Variants in SNIP1 observed in about 807,000 individuals in gnomAD.
SNIP1 encodes the protein smad nuclear-interacting protein 1.
Under a neutral mutation model 37.4 loss-of-function variants are expected in SNIP1, and 23 were observed. The ratio of observed to expected loss-of-function variants is 0.61; its 90% CI spans 0.44 to 0.87. The LOEUF (loss-of-function observed/expected upper bound fraction) is 0.87. Ranked by LOEUF, SNIP1 falls within the 40% of genes least tolerant of loss-of-function variation. The pLI is 0.00. For synonymous variants in SNIP1, 174 were observed against 200.0 expected, an observed-to-expected ratio of 0.87 and a Z score of 1.10; for missense variants, 459 against 540.4, an observed-to-expected ratio of 0.85 and a Z score of 1.49.
At chr1:37,541,806 C>T (rs945814867) in intron 2 of SNIP1, among the ~76,000 whole-genome samples, 3 of 152,156 alleles carry the variant, frequency 2.0e-5, no homozygotes, top group Non-Finnish European at 1.5e-5. Flanking sequence ...AAATGCAACA[C>T]ATTTCTGTTC....
At chr1:37,553,143 T>G (rs1463515474) in intron 1 of SNIP1, among the ~76,000 whole-genome samples, 6 of 152,224 alleles carry the variant, frequency 3.9e-5, no homozygotes, top group Admixed American at 6.5e-5. Flanking sequence ...CTGTGCCATC[T>G]CATTCCTACC....
intron 2 of SNIP1, among the ~76,000 whole-genome samples, chr1:37,550,020 G>A (rs1179322873): frequency 6.6e-6 from 1 of 152,018 alleles, no homozygotes; most frequent in Non-Finnish European, 1.5e-5. Context: ...TGGTGTTGAT[G>A]CAAGTGGACA....
intron 2 of SNIP1, chr1:37,541,013 A>C: frequency 2.6e-6 from 1 of 381,150 alleles, no homozygotes; most frequent in Non-Finnish European, 4.7e-6. Flanking sequence ...AAAACAAGAG[A>C]CTATTTAGTC....
At position 37,537,672 on chromosome 1, in the gene SNIP1, C is replaced by A; in HGVS notation, c.*76G>T. Reference sequence around the variant, plus strand: ...GAGAGCACCATAGTGCTGGACCCACCACCATAGTGCTCTCTGAGTCAATCA... The same window carrying A: ...GAGAGCACCATAGTGCTGGACCCACAACCATAGTGCTCTCTGAGTCAATCA... On this transcript the variant is annotated 3_prime_UTR_variant, in exon 4 of 4. Transcript: ENST00000296215. 6.6e-7 allele frequency: 1 copy of A among 1,515,618 alleles called. No individual in the cohort carries two copies. The highest frequency in any genetic ancestry group is 1.3e-5 in the South Asian group (1 of 78,388). 93.9% of individuals were successfully genotyped at this position (1,515,618 alleles called of 1,614,324 possible). A position where few individuals can be genotyped will look rare whatever the true frequency, so the allele number is the denominator to read the frequency against.
intron 2 of SNIP1, among the ~76,000 whole-genome samples, chr1:37,546,083 A>C (rs928594542): frequency 1.3e-5 from 2 of 151,292 alleles, no homozygotes; most frequent in Admixed American, 6.6e-5. Flanking sequence ...TAGATACTTG[A>C]GCATCCATGT....
At position 37,540,493 on chromosome 1, in the gene SNIP1, C is replaced by A. The variant is rs759723671; in HGVS notation, c.590G>T (p.Gly197Val). ...CAACTCCTGAGACTCACTGCCGCCA[C>A]CACCAACGTCATTCCTCTGGCGATG... is the stretch of plus-strand genomic sequence containing the variant. The part of the protein sequence containing the change: ...REHRQRNDVG[G>V]GGSESQELVP... The change falls in exon 3 of 4, where the codon GGT becomes GTT. Residue 197 changes from glycine to valine, a missense_variant. Coordinates refer to ENST00000296215, the MANE Select transcript of SNIP1 (RefSeq NM_024700.4). This position sits in a 1 kb window ranked among gnomAD's most constrained non-coding sequence, Gnocchi z 5.6. 1.1e-5 allele frequency: 18 copies of A among 1,614,026 alleles called. No homozygotes were observed. Among genetic ancestry groups the A allele is most frequent in the Non-Finnish European group, 1.5e-5 (18 of 1,180,038 alleles).
At position 37,540,545 on chromosome 1, in the gene SNIP1, C is replaced by T. The variant is rs556218762; in HGVS notation, c.538G>A (p.Glu180Lys). 3.1e-6 allele frequency: 5 copies of T among 1,614,136 alleles called. No homozygotes were observed. In the African/African-American group the frequency reaches 6.7e-5, roughly 22 times the overall value. The change falls in exon 3 of 4, where the codon GAG becomes AAG. Residue 180 changes from glutamate (E) to lysine (K), a missense_variant. By Grantham distance (56) the Glu-to-Lys change is moderately conservative. Coordinates refer to ENST00000296215, the MANE Select transcript of SNIP1 (RefSeq NM_024700.4). This position sits in a 1 kb window ranked among gnomAD's most constrained non-coding sequence, Gnocchi z 5.6. ...TCCCGTCGCCTGGCATTATAAAACT[C>T]CCGCTCTTCTTCCTGAGCCTGCAGG... ...QNLQAQEEER[E>K]FYNARRREHR... is the part of the protein sequence containing the mutation.
chr1:37,550,939 C>CA (rs1193897285), intron 2 of SNIP1, among the ~76,000 whole-genome samples: 1 of 150,596 alleles, frequency 6.6e-6, no homozygotes, highest in Non-Finnish European at 1.5e-5. Context: ...ACTAAAAATA[C>CA]AAAAAATTAG....
chr1:37,537,438 G>C lies in SNIP1; in HGVS notation c.*310C>G, dbSNP rs1303031304. 1.0e-5 allele frequency: 3 copies of C among 300,778 alleles called. No individual in the cohort carries two copies. The highest frequency in any genetic ancestry group is 6.4e-5 in the African/African-American group (3 of 46,548). The allele number at this position is 300,778 out of a possible 1,614,324, so 18.6% of individuals were successfully genotyped here. A position where few individuals can be genotyped will look rare whatever the true frequency, so the allele number is the denominator to read the frequency against. On this transcript the variant is annotated 3_prime_UTR_variant, in exon 4 of 4. Transcript: ENST00000296215. ...CCAAGGGTTTATAGTTTCCTAGGCA[G>C]CAGTTCTGAAAGCACCAACTAAAAC...
intron 2 of SNIP1, chr1:37,545,113 G>A: frequency 1.3e-6 from 1 of 742,060 alleles, no homozygotes; most frequent in South Asian, 1.3e-5. Flanking sequence ...TGCACAAACT[G>A]GCCACCGACA....
intron 3 of SNIP1, among the ~76,000 whole-genome samples, chr1:37,539,904 GT>G (rs1643150098): frequency 6.6e-6 from 1 of 152,132 alleles, no homozygotes; most frequent in South Asian, 2.1e-4. Flanking sequence ...AGTGAGCTGT[GT>G]TTGCTCCACT....
intron 1 of SNIP1, among the ~76,000 whole-genome samples, chr1:37,553,076 C>A (rs1229171124): frequency 6.6e-6 from 1 of 152,198 alleles, no homozygotes; most frequent in Non-Finnish European, 1.5e-5. Flanking sequence ...TTATCCTTCA[C>A]TACCAACACC....
intron 2 of SNIP1, among the ~76,000 whole-genome samples, chr1:37,542,169 A>G (rs4652958): frequency 0.4 from 61,417 of 152,032 alleles, 13,369 homozygotes; most frequent in East Asian, 0.58. Flanking sequence ...CAAGCACTGC[A>G]AACTGCAACA....
chr1:37,545,824 T>C (rs1042741951), intron 2 of SNIP1, among the ~76,000 whole-genome samples: 6 of 151,658 alleles, frequency 4.0e-5, no homozygotes, highest in African/African-American at 1.5e-4. Context: ...AAAAATAAAA[T>C]TAAAAACTAA....
At position 37,554,054 on chromosome 1, in the gene SNIP1, T is replaced by G; in HGVS notation, c.176A>C (p.Glu59Ala). 6.3e-7 allele frequency: 1 copy of G among 1,592,048 alleles called. No homozygotes were observed. Among genetic ancestry groups the G allele is most frequent in the Non-Finnish European group, 8.5e-7 (1 of 1,170,378 alleles). ...CCCGCGGTGGCCCGAGCGGGCCGGCTCGCTGGTCGGCGGAGACGGGCTACC... is the reference window on the plus strand; with the variant it reads ...CCCGCGGTGGCCCGAGCGGGCCGGCGCGCTGGTCGGCGGAGACGGGCTACC... ...SGGSPSPPTS[E>A]PARSGHRGNR... The change falls in exon 1 of 4, where the codon GAG becomes GCG. Residue 59 changes from glutamate to alanine, a missense_variant. Transcript: ENST00000296215.
chr1:37,545,268 C>G, intron 2 of SNIP1: 1 of 637,038 alleles, frequency 1.6e-6, no homozygotes, highest in Non-Finnish European at 2.9e-6. Context: ...CTCTGACAAG[C>G]ACACCCCGGG....
At position 37,537,174 on chromosome 1, in the gene SNIP1, C is replaced by G. The variant is rs1643108897; in HGVS notation, c.*574G>C. 6.5e-6 allele frequency: 1 copy of G among 152,902 alleles called. No homozygotes were observed. The highest frequency in any genetic ancestry group is 1.5e-5 in the Non-Finnish European group (1 of 68,278). 9.5% of individuals were successfully genotyped at this position (152,902 alleles called of 1,614,324 possible). Reference sequence around the variant, plus strand: ...TAAGTTAAACAGTCAATAATGTTTACTGACTGCAGTACATTCCCACCCCCC... The same window carrying G: ...TAAGTTAAACAGTCAATAATGTTTAGTGACTGCAGTACATTCCCACCCCCC... On this transcript the variant is annotated 3_prime_UTR_variant, in exon 4 of 4. Coordinates refer to ENST00000296215, the MANE Select transcript of SNIP1 (RefSeq NM_024700.4).
Position 37,540,336 on chromosome 1 carries a change from G to A in SNIP1, c.747C>T (p.Pro249=), listed in dbSNP as rs776438133. 3 of 1,614,072 alleles carry A rather than the reference G, an allele frequency of 1.9e-6. No individual in the cohort carries two copies. The highest frequency in any genetic ancestry group is 1.3e-5 in the African/African-American group (1 of 74,992). Residue 249 remains proline (P), a synonymous_variant, in exon 3 of 4, where the codon CCC becomes CCT. Coordinates refer to ENST00000296215, the MANE Select transcript of SNIP1 (RefSeq NM_024700.4). The surrounding 1 kb of genome is among the most constrained non-coding windows in gnomAD (Gnocchi z 5.6). ...GTTTTTTGGGGATACGTGCTTCTGGGGGCTCACTATATTTAATGACTACAC... is the reference window on the plus strand; with the variant it reads ...GTTTTTTGGGGATACGTGCTTCTGGAGGCTCACTATATTTAATGACTACAC... ...FRGVVIKYSE[P]PEARIPKKRW...
rs1557624805 is a variant in SNIP1 at position 37,540,120 on chromosome 1, C to T, written c.926+37G>A. On this transcript the variant is annotated intron_variant, in intron 3 of 3. Coordinates refer to ENST00000296215, the MANE Select transcript of SNIP1 (RefSeq NM_024700.4). The surrounding 1 kb of genome is among the most constrained non-coding windows in gnomAD (Gnocchi z 5.6). ...AGTAATCCTAACTGAGTGATTGTTT[C>T]TGCTCACATTACAGTTTCTTCCTCC... The T allele has an allele frequency of 1.1e-5, 17 of 1,512,896 alleles. No homozygotes were observed. The highest frequency in any genetic ancestry group is 2.1e-5 in the Admixed American group (1 of 48,510). 93.7% of individuals were successfully genotyped at this position (1,512,896 alleles called of 1,614,324 possible). A position where few individuals can be genotyped will look rare whatever the true frequency, so the allele number is the denominator to read the frequency against.
Sources: gnomAD v4.1 joint callset for allele counts (sites outside exome capture counted in the v4.1 genomes callset) on GRCh38, gnomAD v4.1.1 for gene constraint, Gnocchi (gnomAD v3.1) non-coding constraint, MANE v1.5 for transcripts, NCBI Gene and HGNC (gene_info 2026-07-23, HGNC 2026-07-21) for gene names.